The following TCEA2 variants were observed in gnomAD, a reference collection of about 807,000 sequenced individuals.
TCEA2 encodes the protein transcription elongation factor A2, also known as transcription elongation factor A protein 2.
Under a neutral mutation model 40.8 loss-of-function variants are expected in TCEA2, and 21 were observed. The observed-to-expected ratio is 0.51, with a 90% CI of 0.36 to 0.74. The LOEUF is 0.74. TCEA2 is among the 30% of genes least tolerant of loss of function. The probability of loss-of-function intolerance (pLI) is 0.00; values close to 1 mark genes in which losing one functional copy is unlikely to be tolerated. For missense variants in TCEA2, 326 were observed against 426.5 expected, an observed-to-expected ratio of 0.76 and a Z score of 2.08; for synonymous variants, 165 against 162.7, an observed-to-expected ratio of 1.01 and a Z score of -0.11.
intron 2 of TCEA2, 97 bp downstream of exon 2, chr20:64,066,635 C>T (rs2059701140): frequency 1.6e-5 from 22 of 1,407,784 alleles, no homozygotes; most frequent in Non-Finnish European, 1.7e-5. Context: ...CCACCCTCCC[C>T]ACCAGGCCTT....
upstream of TCEA2, among the ~76,000 whole-genome samples, chr20:64,060,083 G>A (rs913774390): frequency 2.0e-5 from 3 of 152,210 alleles, no homozygotes; most frequent in Admixed American, 6.5e-5. Context: ...CTTCTGGGAC[G>A]TTGACCCTCT....
chr20:64,059,752 G>A (rs1318963392), upstream of TCEA2, among the ~76,000 whole-genome samples: 1 of 152,160 alleles, frequency 6.6e-6, no homozygotes, highest in Non-Finnish European at 1.5e-5. Context: ...GGATCTTTGT[G>A]GCTGAAAACA....
At chr20:64,070,103 GC>G in intron 6 of TCEA2, 156 bp from the exon 7 acceptor site, 1 of 1,169,420 alleles carries the variant, frequency 8.6e-7, no homozygotes, top group Non-Finnish European at 1.2e-6. Flanking sequence ...TGGCCCTGCA[GC>G]CCTTCACCTC....
intron 4 of TCEA2, 66 bp downstream of exon 4, chr20:64,068,200 G>T (rs1481733794): frequency 2.1e-6 from 3 of 1,413,014 alleles, no homozygotes; most frequent in African/African-American, 1.4e-5. Context: ...CCAGAGAAAG[G>T]GTGCCAGTCT....
intron 8 of TCEA2, 69 bp downstream of exon 8, chr20:64,070,704 C>T: frequency 1.4e-6 from 2 of 1,458,224 alleles, no homozygotes; most frequent in South Asian, 1.4e-5. Flanking sequence ...CTCCTTGGAG[C>T]CCATGCCTAT....
intron 3 of TCEA2, 48 bp from the exon 4 acceptor site, chr20:64,067,999 C>T: frequency 6.8e-7 from 1 of 1,465,424 alleles, no homozygotes. Flanking sequence ...CTGTGCCCCT[C>T]CCTCCTCTGC....
At chr20:64,070,172 C>T in intron 6 of TCEA2, 88 bp from the exon 7 acceptor site, 2 of 1,566,948 alleles carry the variant, frequency 1.3e-6, no homozygotes, top group Admixed American at 3.5e-5. Flanking sequence ...ACCTTTCCAG[C>T]CCCCACCCCA....
At chr20:64,071,376 C>T (rs1014266632) in intron 8 of TCEA2, among the ~76,000 whole-genome samples, 9 of 151,352 alleles carry the variant, frequency 5.9e-5, no homozygotes, top group Admixed American at 1.3e-4. Context: ...GGGAGTGTGT[C>T]GAGGCGGCCG....
At chr20:64,068,220 T>A in intron 4 of TCEA2, 86 bp downstream of exon 4, 1 of 1,209,260 alleles carries the variant, frequency 8.3e-7, no homozygotes, top group Non-Finnish European at 1.2e-6. Context: ...TCCATGTGCC[T>A]AGGCACTGCT....
intron 6 of TCEA2, chr20:64,070,052 C>A: frequency 1.1e-6 from 1 of 893,458 alleles, no homozygotes; most frequent in Non-Finnish European, 1.8e-6. Flanking sequence ...GGGCTGTAGC[C>A]TGAAGCTGGG....
chr20:64,063,266 C>T lies in TCEA2; in HGVS notation c.-47C>T, dbSNP rs753684729. 4 of 1,499,196 alleles carry T rather than the reference C, an allele frequency of 2.7e-6. No homozygotes were observed. Among genetic ancestry groups the T allele is most frequent in the Non-Finnish European group, 1.8e-6 (2 of 1,125,938 alleles). 92.9% of individuals were successfully genotyped at this position (1,499,196 alleles called of 1,614,324 possible). On this transcript the variant is annotated 5_prime_UTR_variant, in exon 1 of 10. Coordinates refer to ENST00000343484, the MANE Select transcript of TCEA2 (RefSeq NM_003195.6). Reference sequence around the variant, plus strand: ...CGGCCGGGGCCGGGGTCCTGCCCGGCTGCGGAGGCGGGCGCGACGGGCGCG... The same window carrying T: ...CGGCCGGGGCCGGGGTCCTGCCCGGTTGCGGAGGCGGGCGCGACGGGCGCG...
At chr20:64,069,269 T>G (rs1450675051) in intron 4 of TCEA2, 92 bp from the exon 5 acceptor site, 3 of 1,471,126 alleles carry the variant, frequency 2.0e-6, no homozygotes, top group African/African-American at 1.4e-5. Context: ...GGTGGGGGAT[T>G]ATGCTGTGGC....
At chr20:64,056,130 A>AGCGTTGCTTCTGTGGGAGGGAGCT (rs1184113683), upstream of TCEA2, among the ~76,000 whole-genome samples, 5 of 152,104 alleles carry the variant, frequency 3.3e-5, no homozygotes, top group Non-Finnish European at 7.4e-5. Flanking sequence ...TGCCTCCCCC[A>AGCGTTGCTTCTGTGGGAGGGAGCT]GCGTTGCTTC....
At chr20:64,057,100 G>C, upstream of TCEA2, 1 of 152,250 alleles carries the variant, frequency 6.6e-6, no homozygotes, top group Admixed American at 6.5e-5. Flanking sequence ...CGCTGGGTCC[G>C]TGAAGGGGAG....
chr20:64,063,190 TGTC>T (rs2059605319), upstream of TCEA2: 1 of 857,118 alleles, frequency 1.2e-6, no homozygotes, highest in Non-Finnish European at 1.5e-6. Flanking sequence ...ACCGGGGGTC[TGTC>T]GTCCGCGGCG....
intron 1 of TCEA2, among the ~76,000 whole-genome samples, chr20:64,065,078 G>T (rs1490159661): frequency 2.0e-5 from 3 of 152,078 alleles, no homozygotes; most frequent in Non-Finnish European, 4.4e-5. Flanking sequence ...GGAGCCAGCA[G>T]AGCCTCCTGG....
In TCEA2 at chr20:64,058,157, C is replaced by T. The variant is rs1024186833; in HGVS notation, c.-84+506C>T. On this transcript the variant is annotated intron_variant, in intron 1 of 10. Coordinates refer to the TCEA2 transcript ENST00000361317. The surrounding 1 kb of genome is among the most constrained non-coding windows in gnomAD (Gnocchi z 6.7). ...GTGGCTGCGGCCCGCAGGTCAGAGG[C>T]ACCCGACCTCTTCTGCTAACCCCCT... Among the ~76,000 whole-genome samples the T allele has an allele frequency of 6.6e-6, 1 of 152,184 alleles. No homozygotes were observed. The highest frequency in any genetic ancestry group is 6.5e-5 in the Admixed American group (1 of 15,292).
rs1003112123 is a variant in TCEA2 at position 64,070,260 on chromosome 20, G to A, written c.518G>A (p.Cys173Tyr). ...CERLSAQIEE[C>Y]IFRDVGNTDM... ...AGGTGGGTCCTTAAAACACTTGCAC[G>A]CATCTTCCGGGACGTTGGAAACACA... The change falls in exon 7 of 10, where the codon TGC becomes TAC. Residue 173 changes from cysteine (C) to tyrosine (Y), a missense_variant and splice_region_variant. Physicochemically the swap from Cys to Tyr is radical, Grantham distance 194 (BLOSUM62 -2). Coordinates refer to ENST00000343484, the MANE Select transcript of TCEA2 (RefSeq NM_003195.6). The A allele has an allele frequency of 1.9e-5, 30 of 1,613,948 alleles. No individual in the cohort carries two copies. The highest frequency in any genetic ancestry group is 2.5e-5 in the Non-Finnish European group (29 of 1,179,982).
intron 3 of TCEA2, 146 bp downstream of exon 3, chr20:64,067,166 A>C: frequency 1.3e-6 from 1 of 781,960 alleles, no homozygotes; most frequent in Non-Finnish European, 2.1e-6. Context: ...CCAGACCATG[A>C]AGCGCCCAGC....
Sources: gnomAD v4.1 joint callset for allele counts (sites outside exome capture counted in the v4.1 genomes callset) on GRCh38, gnomAD v4.1.1 for gene constraint, Gnocchi (gnomAD v3.1) non-coding constraint, MANE v1.5 for transcripts, NCBI Gene and HGNC (gene_info 2026-07-23, HGNC 2026-07-21) for gene names.